CTBP2: variants seen among roughly 807,000 people sequenced by gnomAD.
CTBP2 encodes C-terminal-binding protein 2.
In CTBP2, 30 loss-of-function variants were observed where a neutral mutation model predicts 80.3. That is an observed-to-expected ratio of 0.37 (90% confidence interval 0.28 to 0.51). The LOEUF (loss-of-function observed/expected upper bound fraction) is 0.51, where lower values mean the gene tolerates loss of function less well. Ranked by LOEUF, CTBP2 falls within the 20% of genes least tolerant of loss-of-function variation. CTBP2 has a pLI of 0.93. For synonymous variants in CTBP2, 594 were observed against 587.4 expected, an observed-to-expected ratio of 1.01 and a Z score of -0.16; for missense variants, 1,212 against 1,375.3, an observed-to-expected ratio of 0.88 and a Z score of 1.88.
chr10:125,141,401 C>T (rs571412634), intron 1 of CTBP2, among the ~76,000 whole-genome samples: 6 of 152,268 alleles, frequency 3.9e-5, no homozygotes, highest in East Asian at 1.9e-4. Context: ...CCCTCGGGGC[C>T]GGCACCAGCC....
chr10:125,027,516 T>G lies in CTBP2; in HGVS notation c.244A>C (p.Arg82=). ...GTGAAGTCAGGAGTAGACCCCTTTC[T>G]TGCAGCCACTGAGTTATAAACGGCC... Residue 82 remains arginine (R), a synonymous_variant, in exon 1 of 9, where the codon AGA becomes CGA. Coordinates refer to ENST00000309035, the MANE Select transcript of CTBP2 (RefSeq NM_022802.3). 1 of 1,614,130 alleles carries G rather than the reference T, an allele frequency of 6.2e-7. No homozygotes were observed. The highest frequency in any genetic ancestry group is 8.5e-7 in the Non-Finnish European group (1 of 1,180,006).
At chr10:125,024,059 C>A (rs762414272) in intron 1 of CTBP2, among the ~76,000 whole-genome samples, 44 of 152,194 alleles carry the variant, frequency 2.9e-4, no homozygotes, top group Non-Finnish European at 5.7e-4. Flanking sequence ...GACTGCCCAG[C>A]CTGTGCTTTC....
At chr10:125,005,471 C>G in intron 1 of CTBP2, 1 of 1,440,274 alleles carries the variant, frequency 6.9e-7, no homozygotes, top group Non-Finnish European at 9.4e-7. Flanking sequence ...CTCCAACATC[C>G]TTCTGCACCA....
At chr10:125,099,993 G>A (rs1850361603) in intron 2 of CTBP2, among the ~76,000 whole-genome samples, 1 of 152,204 alleles carries the variant, frequency 6.6e-6, no homozygotes, top group East Asian at 1.9e-4. Context: ...TCCTGGGGGG[G>A]CGGACACAGA....
chr10:125,068,780 AC>A (rs765585051), intron 2 of CTBP2, among the ~76,000 whole-genome samples: 27 of 152,016 alleles, frequency 1.8e-4, no homozygotes, highest in Non-Finnish European at 2.6e-4. Flanking sequence ...GAGTCTTGAG[AC>A]CAGCAGGGCT....
At chr10:125,073,347 G>A (rs1352638836) in intron 2 of CTBP2, among the ~76,000 whole-genome samples, 9 of 152,206 alleles carry the variant, frequency 5.9e-5, no homozygotes, top group African/African-American at 1.2e-4. Flanking sequence ...AGGTTCAAGC[G>A]ATTCTCCTGC....
At chr10:125,108,988 C>CA (rs1324649031) in intron 2 of CTBP2, among the ~76,000 whole-genome samples, 1 of 152,276 alleles carries the variant, frequency 6.6e-6, no homozygotes, top group African/African-American at 2.4e-5. Flanking sequence ...AAGCGTGTCA[C>CA]AATTTCATTC....
At chr10:125,112,695 G>T (rs1003229027) in intron 1 of CTBP2, among the ~76,000 whole-genome samples, 3 of 152,182 alleles carry the variant, frequency 2.0e-5, no homozygotes, top group Non-Finnish European at 4.4e-5. Flanking sequence ...CCAAAGTGCT[G>T]GGATACAGGC....
intron 1 of CTBP2, among the ~76,000 whole-genome samples, chr10:125,119,563 G>A (rs932301471): frequency 6.6e-6 from 1 of 152,148 alleles, no homozygotes; most frequent in African/African-American, 2.4e-5. Flanking sequence ...AATACTTATA[G>A]GTCAAATGGA....
intron 3 of CTBP2, among the ~76,000 whole-genome samples, chr10:125,034,093 G>A (rs907351697): frequency 6.6e-6 from 1 of 152,186 alleles, no homozygotes; most frequent in Non-Finnish European, 1.5e-5. Flanking sequence ...GAAGACATCC[G>A]CCCATCACCA....
chr10:125,063,248 T>A (rs1038649798), intron 2 of CTBP2, among the ~76,000 whole-genome samples: 3 of 152,196 alleles, frequency 2.0e-5, no homozygotes, highest in African/African-American at 7.2e-5. Context: ...CACATCTTCA[T>A]CTCTGATGTG....
At chr10:125,097,405 T>A (rs568842840) in intron 2 of CTBP2, among the ~76,000 whole-genome samples, 1 of 152,298 alleles carries the variant, frequency 6.6e-6, no homozygotes, top group East Asian at 1.9e-4. Flanking sequence ...ACCATTTCTA[T>A]CAACACTGCA....
intron 2 of CTBP2, among the ~76,000 whole-genome samples, chr10:125,081,228 C>A (rs1055530768): frequency 2.6e-5 from 4 of 152,122 alleles, no homozygotes; most frequent in Admixed American, 6.6e-5. Context: ...TGTCATGGTA[C>A]AAAGGAGGAC....
chr10:125,136,700 C>G (rs1018340136), intron 1 of CTBP2, among the ~76,000 whole-genome samples: 3 of 152,238 alleles, frequency 2.0e-5, no homozygotes, highest in Non-Finnish European at 2.9e-5. Flanking sequence ...GTGACTCACT[C>G]TATCTTCAAC....
intron 1 of CTBP2, among the ~76,000 whole-genome samples, chr10:125,114,273 A>G (rs995352907): frequency 4.6e-5 from 7 of 152,220 alleles, no homozygotes; most frequent in African/African-American, 1.2e-4. Context: ...CGGGCCAGAC[A>G]GGGGTCCTAT....
intron 1 of CTBP2, among the ~76,000 whole-genome samples, chr10:125,130,347 C>A (rs982187841): frequency 7.2e-5 from 11 of 152,084 alleles, no homozygotes; most frequent in Non-Finnish European, 1.2e-4. Flanking sequence ...CCATGCCTGG[C>A]CAGCCCACAG....
intron 2 of CTBP2, among the ~76,000 whole-genome samples, chr10:125,085,911 C>T (rs925237427): frequency 2.6e-5 from 4 of 152,256 alleles, no homozygotes; most frequent in Non-Finnish European, 5.9e-5. Flanking sequence ...TGGTCAAGAT[C>T]CGGGTCTGCC....
rs1040410222 is a variant in CTBP2, at chr10:125,156,448, T to G, written c.-206+3871A>C. Among the ~76,000 whole-genome samples the G allele has an allele frequency of 9.2e-5, 14 of 152,236 alleles. 1 individual carries two copies. The highest frequency in any genetic ancestry group is 1.3e-4 in the Admixed American group (2 of 15,286). On this transcript the variant is annotated intron_variant, in intron 1 of 10. Coordinates refer to the CTBP2 transcript ENST00000337195. ...AGCGTTAAGTGCAAAGGGTATAACT[T>G]TGCTTTCAAAAATGATTCATGATGT...
At chr10:125,109,127 G>T (rs1028158070) in intron 2 of CTBP2, among the ~76,000 whole-genome samples, 6 of 152,190 alleles carry the variant, frequency 3.9e-5, no homozygotes, top group Admixed American at 6.5e-5. Context: ...AACCATTTTT[G>T]ATATTTAAAA....
Sources: gnomAD v4.1 joint callset for allele counts (sites outside exome capture counted in the v4.1 genomes callset) on GRCh38, gnomAD v4.1.1 for gene constraint, MANE v1.5 for transcripts, NCBI Gene and HGNC (gene_info 2026-07-23, HGNC 2026-07-21) for gene names.